NYAP2: variants seen among roughly 807,000 people sequenced by gnomAD.
The protein encoded by NYAP2 is neuronal tyrosine-phosphorylated phosphoinositide-3-kinase adaptor 2.
A neutral mutation model predicts 50.4 loss-of-function variants in NYAP2; 23 were observed. That is an observed-to-expected ratio of 0.46 (90% confidence interval 0.33 to 0.65). The LOEUF is 0.65. NYAP2 is among the 30% of genes least tolerant of loss of function. The pLI is 0.02. For synonymous variants in NYAP2, 394 were observed against 365.2 expected (o/e 1.08, Z -0.90); for missense variants, 885 against 861.0 (o/e 1.03, Z -0.35).
rs544752084 is a variant in NYAP2 at position 225,429,516 on chromosome 2, C to G, written c.221+20415C>G. ...TTGAAGAACAAAGAAAAATCATTTT[C>G]TTTTGAAATCAATAATATTCAGGTA... On this transcript the variant is annotated intron_variant, in intron 3 of 6. Coordinates refer to ENST00000636099, the Ensembl canonical transcript of NYAP2. Among the ~76,000 whole-genome samples the G allele has an allele frequency of 1.1e-4, 16 of 152,248 alleles. No individual in the cohort carries two copies. The East Asian group carries it at 3.1e-3, about 29-fold the overall frequency.
chr2:225,564,685 T>TAA (rs5839113), intron 4 of NYAP2, among the ~76,000 whole-genome samples: 8,035 of 144,660 alleles, frequency 0.056, 728 homozygotes, highest in African/African-American at 0.19. Context: ...TGCATAAATA[T>TAA]AAAAAAAAAA....
the NYAP2 span, among the ~76,000 whole-genome samples, chr2:225,664,774 G>C: frequency 1.4e-4 from 21 of 152,142 alleles, no homozygotes; most frequent in Non-Finnish European, 2.9e-5. Context: ...TACTTGGGAG[G>C]CTGAGGCAGG....
chr2:225,691,207 T>C, the NYAP2 span, among the ~76,000 whole-genome samples: 6 of 152,218 alleles, frequency 3.9e-5, no homozygotes, highest in Admixed American at 1.3e-4. Context: ...CTTTTTTTTT[T>C]CCCTGTAAAG....
At chr2:225,595,211 A>C (rs1285980595) in intron 5 of NYAP2, among the ~76,000 whole-genome samples, 4 of 152,212 alleles carry the variant, frequency 2.6e-5, no homozygotes. Context: ...AGGATGAAAA[A>C]ACAATAGCTA....
intron 4 of NYAP2, among the ~76,000 whole-genome samples, chr2:225,522,087 G>T (rs1423034714): frequency 6.6e-6 from 1 of 151,766 alleles, no homozygotes; most frequent in East Asian, 1.9e-4. Flanking sequence ...ATTCTCTGAT[G>T]GTAGTTTGTA....
chr2:225,569,137 C>T (rs1692019073), intron 4 of NYAP2, among the ~76,000 whole-genome samples: 1 of 151,968 alleles, frequency 6.6e-6, no homozygotes, highest in South Asian at 2.1e-4. Flanking sequence ...CATAAAGTGG[C>T]CTGGGATGAA....
intron 3 of NYAP2, among the ~76,000 whole-genome samples, chr2:225,466,055 G>A (rs73082883): frequency 1.8e-4 from 28 of 152,162 alleles, no homozygotes; most frequent in Admixed American, 3.9e-4. Flanking sequence ...CCTGGCAGCC[G>A]GAACCAGCCA....
At chr2:225,494,746 G>A (rs1690470867) in intron 3 of NYAP2, among the ~76,000 whole-genome samples, 1 of 152,188 alleles carries the variant, frequency 6.6e-6, no homozygotes, top group Non-Finnish European at 1.5e-5. Flanking sequence ...TGTTAATGAT[G>A]CTTTGGGGAT....
At chr2:225,692,744 G>C in the NYAP2 span, among the ~76,000 whole-genome samples, 9 of 152,034 alleles carry the variant, frequency 5.9e-5, no homozygotes, top group African/African-American at 2.2e-4. Flanking sequence ...GTCACACAAT[G>C]ATCAGGATCC....
At chr2:225,623,476 A>G (rs1161363235) in intron 5 of NYAP2, among the ~76,000 whole-genome samples, 1 of 152,206 alleles carries the variant, frequency 6.6e-6, no homozygotes, top group African/African-American at 2.4e-5. Flanking sequence ...CCTGTAATCA[A>G]TCAGGATATT....
At chr2:225,575,840 G>C (rs1035208228) in intron 4 of NYAP2, among the ~76,000 whole-genome samples, 4 of 152,188 alleles carry the variant, frequency 2.6e-5, no homozygotes, top group African/African-American at 9.7e-5. Flanking sequence ...TCTTGATCAT[G>C]ACCTATAAGA....
At chr2:225,412,117 C>T (rs1054307659) in intron 3 of NYAP2, among the ~76,000 whole-genome samples, 2 of 150,696 alleles carry the variant, frequency 1.3e-5, no homozygotes, top group Non-Finnish European at 3.0e-5. Flanking sequence ...CACCACCATG[C>T]CCAGCTAATT....
intron 3 of NYAP2, among the ~76,000 whole-genome samples, chr2:225,470,221 A>T (rs1443177400): frequency 6.6e-6 from 1 of 152,152 alleles, no homozygotes; most frequent in African/African-American, 2.4e-5. Flanking sequence ...TTTTGTGCCT[A>T]AAGTAAAAGA....
chr2:225,400,126 GT>G lies in NYAP2; in HGVS notation c.-628del, dbSNP rs1694835879. ...TTTCCGGTTTCTTGCAATTTCTTCA[GT>G]TGCTTCTCCCTTTTCCAATGGGCCT... On this transcript the variant is annotated 5_prime_UTR_variant, in exon 1 of 7. An upstream open reading frame in the 5' UTR loses its in-frame stop. Coordinates refer to ENST00000636099, the Ensembl canonical transcript of NYAP2. 6.6e-6 allele frequency: 1 copy of G among 152,114 alleles called. No homozygotes were observed. The allele number at this position is 152,114 out of a possible 1,614,324, so 9.4% of individuals were successfully genotyped here.
chr2:225,617,756 T>C (rs1693013905), intron 5 of NYAP2, among the ~76,000 whole-genome samples: 1 of 152,204 alleles, frequency 6.6e-6, no homozygotes, highest in South Asian at 2.1e-4. Flanking sequence ...TGTTCTCCAG[T>C]TATTGAGGGC....
chr2:225,505,875 A>G (rs1690694909), intron 3 of NYAP2, among the ~76,000 whole-genome samples: 1 of 152,158 alleles, frequency 6.6e-6, no homozygotes, highest in Non-Finnish European at 1.5e-5. Context: ...ACTTATTTTC[A>G]TTCACAATGG....
chr2:225,557,796 G>A (rs976370941), intron 4 of NYAP2, among the ~76,000 whole-genome samples: 2 of 152,110 alleles, frequency 1.3e-5, no homozygotes, highest in South Asian at 2.1e-4. Flanking sequence ...AATATAAAAA[G>A]GGCTAAGTAG....
At chr2:225,680,977 A>G in the NYAP2 span, among the ~76,000 whole-genome samples, 2 of 152,238 alleles carry the variant, frequency 1.3e-5, no homozygotes, top group African/African-American at 4.8e-5. Flanking sequence ...GTAGTCCAAT[A>G]GCAATATATT....
intron 5 of NYAP2, among the ~76,000 whole-genome samples, chr2:225,603,656 C>T (rs912809161): frequency 1.3e-5 from 2 of 152,100 alleles, no homozygotes; most frequent in African/African-American, 4.8e-5. Flanking sequence ...TGGCCCATGT[C>T]TCAATGATTT....
Sources: gnomAD v4.1 joint callset for allele counts (sites outside exome capture counted in the v4.1 genomes callset) on GRCh38, gnomAD v4.1.1 for gene constraint, MANE v1.5 for transcripts, NCBI Gene and HGNC (gene_info 2026-07-23, HGNC 2026-07-21) for gene names.